INPP5A: variants seen among roughly 807,000 people sequenced by gnomAD.
The protein encoded by INPP5A is inositol polyphosphate-5-phosphatase A.
INPP5A carries 14 observed loss-of-function variants against 65.2 expected under a neutral mutation model. The observed-to-expected ratio is 0.21, with a 90% CI of 0.14 to 0.34. The LOEUF (loss-of-function observed/expected upper bound fraction) is 0.34, where lower values mean the gene tolerates loss of function less well. Ranked by LOEUF, INPP5A falls within the 10% of genes least tolerant of loss-of-function variation. The pLI is 1.00. For missense variants in INPP5A, 431 were observed against 545.6 expected (o/e 0.79, Z 2.09); for synonymous variants, 207 against 208.3 (o/e 0.99, Z 0.05).
At chr10:132,736,553 A>T (rs757564735) in intron 9 of INPP5A, among the ~76,000 whole-genome samples, 10 of 152,182 alleles carry the variant, frequency 6.6e-5, no homozygotes, top group Admixed American at 1.3e-4. Flanking sequence ...TTCCCAAAAC[A>T]CGGCTCTCAA....
chr10:132,556,445 A>C (rs771814783), intron 1 of INPP5A, among the ~76,000 whole-genome samples: 6 of 152,190 alleles, frequency 3.9e-5, no homozygotes, highest in African/African-American at 1.4e-4. Flanking sequence ...CCAGTGTGCC[A>C]AGTTTCTGTA....
chr10:132,576,023 C>T (rs1003622128), intron 1 of INPP5A, among the ~76,000 whole-genome samples: 7 of 152,308 alleles, frequency 4.6e-5, no homozygotes, highest in Middle Eastern at 3.4e-3. Context: ...CCACAGATGC[C>T]ACCTGACCTG....
chr10:132,736,286 C>A (rs1462456622), intron 9 of INPP5A, among the ~76,000 whole-genome samples: 1 of 152,240 alleles, frequency 6.6e-6, no homozygotes, highest in Non-Finnish European at 1.5e-5. Flanking sequence ...AGAGTGACAG[C>A]AGTGCCAGGC....
chr10:132,712,308 T>C (rs1180651180), intron 8 of INPP5A, among the ~76,000 whole-genome samples: 1 of 151,570 alleles, frequency 6.6e-6, no homozygotes, highest in East Asian at 1.9e-4. Context: ...GTATGCACAG[T>C]TGCTTGTGGG....
chr10:132,766,680 G>T (rs1846851052), intron 12 of INPP5A, among the ~76,000 whole-genome samples: 1 of 152,104 alleles, frequency 6.6e-6, no homozygotes, highest in African/African-American at 2.4e-5. Context: ...GGATGTGTGT[G>T]CACATGTGTG....
intron 12 of INPP5A, among the ~76,000 whole-genome samples, chr10:132,772,572 A>G (rs1185572693): frequency 2.1e-4 from 21 of 101,148 alleles, no homozygotes; most frequent in African/African-American, 3.3e-4. Context: ...CAGCCACCCC[A>G]CGAGGAGTGG....
rs909181309 is a variant in INPP5A at position 132,742,983 on chromosome 10, C to A, written c.733-6534C>A. 5.9e-5 allele frequency among the ~76,000 whole-genome samples: 9 copies of A among 152,390 alleles called. No homozygotes were observed. The East Asian group carries it at 1.7e-3, about 29-fold the overall frequency. On this transcript the variant is annotated intron_variant, in intron 9 of 15. Coordinates refer to ENST00000368594, the MANE Select transcript of INPP5A (RefSeq NM_005539.5). ...CCGGCCTGCGCCTGCCCCGCGCCCCCTTTGTCCCCGGCCATTGTTTCTGAT... is the reference window on the plus strand; with the variant it reads ...CCGGCCTGCGCCTGCCCCGCGCCCCATTTGTCCCCGGCCATTGTTTCTGAT...
rs1377713058 is a variant in INPP5A at position 132,704,196 on chromosome 10, T to G, written c.475-4117T>G. The stretch of plus-strand genomic sequence containing the variant: ...CTGGTGCTCTAGGGGAGTCGTGTAT[T>G]GAGGCGCCTTGGCCTGCAGGGACGG... On this transcript the variant is annotated intron_variant, in intron 6 of 15. Coordinates refer to ENST00000368594, the MANE Select transcript of INPP5A (RefSeq NM_005539.5). The surrounding 1 kb of genome is among the most constrained non-coding windows in gnomAD (Gnocchi z 4.5). Among the ~76,000 whole-genome samples, 1 of 151,904 alleles carries G rather than the reference T, an allele frequency of 6.6e-6. No homozygotes were observed. Among genetic ancestry groups the G allele is most frequent in the African/African-American group, 2.4e-5 (1 of 41,350 alleles).
In INPP5A at chr10:132,697,874, G is replaced by T; in HGVS notation, c.429G>T (p.Thr143=). The change falls in exon 6 of 16, where the codon ACG becomes ACT. Residue 143 remains threonine (T), a synonymous_variant. Coordinates refer to ENST00000368594, the MANE Select transcript of INPP5A (RefSeq NM_005539.5). The surrounding 1 kb of genome is among the most constrained non-coding windows in gnomAD (Gnocchi z 5.6). The part of the protein sequence containing the change: ...KEIYSDTLES[T]PMLEKEKFPQ... The stretch of plus-strand genomic sequence containing the variant: ...TCTACTCGGATACCTTAGAGAGCAC[G>T]CCCATGCTGGAGAAGGAGAAGTTTC... 6.2e-7 allele frequency: 1 copy of T among 1,613,946 alleles called. No homozygotes were observed. Among genetic ancestry groups the T allele is most frequent in the Non-Finnish European group, 8.5e-7 (1 of 1,179,856 alleles).
rs192278136 is a variant in INPP5A at position 132,606,350 on chromosome 10, T to C, written c.76-1565T>C. Among the ~76,000 whole-genome samples, 1,210 of 148,842 alleles carry C rather than the reference T, an allele frequency of 8.1e-3. 15 individuals are homozygous for C. The highest frequency in any genetic ancestry group is 0.026 in the African/African-American group (1,032 of 39,904). On this transcript the variant is annotated intron_variant, in intron 1 of 15. Transcript: ENST00000368594. Reference sequence around the variant, plus strand: ...TGCCGGGTCCTCAGTGGCGGGACAGTGGCGTGGGCTGATGGCCTCCCCTCC... The same window carrying C: ...TGCCGGGTCCTCAGTGGCGGGACAGCGGCGTGGGCTGATGGCCTCCCCTCC...
rs117774382 is a variant in INPP5A, at chr10:132,649,741, C to T, written c.219-677C>T. Among the ~76,000 whole-genome samples, 1,001 of 152,244 alleles carry T rather than the reference C, an allele frequency of 6.6e-3. 7 individuals are homozygous for T. The highest frequency in any genetic ancestry group is 0.014 in the Middle Eastern group (4 of 294). ...TGTCTCTGTGGAGGGGCCAGGCAGA[C>T]GGGGCCTCGTCCTCCGTTCATGGGC... On this transcript the variant is annotated intron_variant, in intron 3 of 15. Transcript: ENST00000368594.
At chr10:132,647,115 CT>C (rs754272955) in intron 3 of INPP5A, among the ~76,000 whole-genome samples, 227 of 142,502 alleles carry the variant, frequency 1.6e-3, no homozygotes, top group East Asian at 4.7e-3. Flanking sequence ...TTTTTTTTTT[CT>C]TTTTTTTTTT....
chr10:132,680,710 C>G (rs958279480), intron 4 of INPP5A, among the ~76,000 whole-genome samples: 1 of 152,262 alleles, frequency 6.6e-6, no homozygotes, highest in African/African-American at 2.4e-5. Context: ...TGCGGGCCAG[C>G]TGGATTTCCG....
chr10:132,714,160 G>C (rs567972321), intron 8 of INPP5A, among the ~76,000 whole-genome samples: 2 of 152,326 alleles, frequency 1.3e-5, no homozygotes, highest in Non-Finnish European at 2.9e-5. Context: ...CGCTGCCATG[G>C]CTCCGCGGCC....
chr10:132,654,847 G>GA (rs2072632079), intron 4 of INPP5A, among the ~76,000 whole-genome samples: 3 of 152,256 alleles, frequency 2.0e-5, no homozygotes, highest in African/African-American at 7.2e-5. Flanking sequence ...CTGTGGGGGG[G>GA]ACGCGGCTGA....
chr10:132,751,873 A>T (rs1389073498), intron 11 of INPP5A, among the ~76,000 whole-genome samples: 1 of 108,528 alleles, frequency 9.2e-6, no homozygotes, highest in Non-Finnish European at 2.3e-5. Flanking sequence ...CTCTGGATGG[A>T]GGCGGGTGCC....
At chr10:132,722,805 T>C (rs1000097981) in intron 8 of INPP5A, among the ~76,000 whole-genome samples, 2 of 152,254 alleles carry the variant, frequency 1.3e-5, no homozygotes, top group Non-Finnish European at 2.9e-5. Flanking sequence ...TTTATGGCTC[T>C]TCTTGTAATT....
chr10:132,602,394 G>A (rs996650769), intron 1 of INPP5A, among the ~76,000 whole-genome samples: 1 of 152,048 alleles, frequency 6.6e-6, no homozygotes, highest in Non-Finnish European at 1.5e-5. Context: ...CTCTGGATTC[G>A]GGTGATTCTC....
intron 8 of INPP5A, among the ~76,000 whole-genome samples, chr10:132,721,302 G>C (rs1165476335): frequency 1.3e-5 from 2 of 150,648 alleles, no homozygotes; most frequent in African/African-American, 2.5e-5. Context: ...CCTGGGTTCT[G>C]TCTGGGCGCC....
Sources: gnomAD v4.1 joint callset for allele counts (sites outside exome capture counted in the v4.1 genomes callset) on GRCh38, gnomAD v4.1.1 for gene constraint, Gnocchi (gnomAD v3.1) non-coding constraint, MANE v1.5 for transcripts, NCBI Gene and HGNC (gene_info 2026-07-23, HGNC 2026-07-21) for gene names.